AUTS2: variants seen among roughly 807,000 people sequenced by gnomAD.
AUTS2 encodes the protein activator of transcription and developmental regulator AUTS2.
A neutral mutation model predicts 112.4 loss-of-function variants in AUTS2; 17 were observed. That is an observed-to-expected ratio of 0.15 (90% CI 0.10 to 0.23). AUTS2 has a LOEUF of 0.23. Ranked by LOEUF, AUTS2 falls within the 10% of genes least tolerant of loss-of-function variation. The pLI, the probability that AUTS2 is intolerant of heterozygous loss-of-function variation, is 1.00. For missense variants in AUTS2, 1,510 were observed against 1,701.6 expected (o/e 0.89, Z 1.98); for synonymous variants, 751 against 702.7 (o/e 1.07, Z -1.09).
rs373371987 is a variant in AUTS2 at position 70,439,835 on chromosome 7, T to C, written c.690+4054T>C. Among the ~76,000 whole-genome samples the C allele has an allele frequency of 1.6e-4, 25 of 152,332 alleles. 2 individuals carry two copies. The highest frequency in any genetic ancestry group is 5.5e-4 in the African/African-American group (23 of 41,586). On this transcript the variant is annotated intron_variant, in intron 5 of 18. Coordinates refer to ENST00000342771, the MANE Select transcript of AUTS2 (RefSeq NM_015570.4). Reference sequence around the variant, plus strand: ...CCCATGATGCTAAGAAATATCCCGTTTGGTTATGAAGTTAATGTGGAGATT... The same window carrying C: ...CCCATGATGCTAAGAAATATCCCGTCTGGTTATGAAGTTAATGTGGAGATT...
chr7:69,618,364 A>T (rs1793488576), intron 1 of AUTS2, among the ~76,000 whole-genome samples: 1 of 152,202 alleles, frequency 6.6e-6, no homozygotes, highest in Non-Finnish European at 1.5e-5. Flanking sequence ...CTGGCTCAGT[A>T]CTGGCAACTT....
intron 1 of AUTS2, among the ~76,000 whole-genome samples, chr7:69,859,165 C>T (rs1461495013): frequency 6.6e-6 from 1 of 152,100 alleles, no homozygotes; most frequent in Non-Finnish European, 1.5e-5. Context: ...ATTGTGCTTT[C>T]AAAGGAAGCA....
chr7:70,035,542 G>A (rs922424833), intron 2 of AUTS2, among the ~76,000 whole-genome samples: 1 of 152,138 alleles, frequency 6.6e-6, no homozygotes, highest in South Asian at 2.1e-4. Context: ...TTTTAAAGAC[G>A]ATTGTGAATT....
chr7:69,943,841 A>G lies in AUTS2; in HGVS notation c.522+44343A>G, dbSNP rs1309990478. Among the ~76,000 whole-genome samples, 8 of 152,356 alleles carry G rather than the reference A, an allele frequency of 5.3e-5. No individual in the cohort carries two copies. In the East Asian group the frequency reaches 1.4e-3, roughly 26 times the overall value. ...CCTAGAAAAACAGTGACAAGGGCAC[A>G]TACTATTTTGAAGCAGGTTTTAGCA... On this transcript the variant is annotated intron_variant, in intron 2 of 18. Coordinates refer to ENST00000342771, the MANE Select transcript of AUTS2 (RefSeq NM_015570.4).
At chr7:69,664,482 A>T (rs1266663291) in intron 1 of AUTS2, among the ~76,000 whole-genome samples, 1 of 152,194 alleles carries the variant, frequency 6.6e-6, no homozygotes, top group South Asian at 2.1e-4. Context: ...TCAGTATATG[A>T]TTAACCTAAA....
chr7:70,649,597 T>G (rs1213944793), intron 5 of AUTS2, among the ~76,000 whole-genome samples: 1 of 151,976 alleles, frequency 6.6e-6, no homozygotes, highest in Non-Finnish European at 1.5e-5. Flanking sequence ...AGTGCGATCT[T>G]GGCTTGCTGC....
intron 2 of AUTS2, among the ~76,000 whole-genome samples, chr7:70,070,691 C>T (rs965534685): frequency 1.3e-5 from 2 of 151,800 alleles, no homozygotes; most frequent in Admixed American, 1.3e-4. Context: ...ACGGTGAAAC[C>T]CCGTCTCTAC....
At chr7:70,651,344 T>G (rs1266125259) in intron 5 of AUTS2, among the ~76,000 whole-genome samples, 3 of 152,162 alleles carry the variant, frequency 2.0e-5, no homozygotes, top group Non-Finnish European at 4.4e-5. Context: ...CTCACGAAAC[T>G]GGGAAACCCA....
intron 1 of AUTS2, among the ~76,000 whole-genome samples, chr7:69,611,882 A>T (rs1199969510): frequency 7.7e-6 from 1 of 129,974 alleles, no homozygotes; most frequent in African/African-American, 2.9e-5. Flanking sequence ...GTGAGCCGAG[A>T]TTGCGCCACT....
At position 70,267,278 on chromosome 7, in the gene AUTS2, CT is replaced by C. The variant is rs11376990; in HGVS notation, c.660+132720del. Among the ~76,000 whole-genome samples the C allele has an allele frequency of 2.9e-3, 419 of 144,732 alleles. 1 individual carries two copies. Among genetic ancestry groups the C allele is most frequent in the East Asian group, 4.5e-3 (22 of 4,934 alleles). The allele number at this position is 144,732 out of a possible 152,430, so 94.9% of individuals were successfully genotyped here. ...AGTCAAAGATAAACTCTAAATGTTT[CT>C]TTTTTTTTTTTTCCTGAAGTATCAA... On this transcript the variant is annotated intron_variant, in intron 4 of 18. Transcript: ENST00000342771.
Position 69,785,022 on chromosome 7 carries a change from T to A in AUTS2, c.310-114264T>A, listed in dbSNP as rs114395018. ...TGGTGGTGGTGATAGTGATAAATAC[T>A]ATGAAAGGAAAAAAAAACAAGAAAG... is the stretch of plus-strand genomic sequence containing the variant. On this transcript the variant is annotated intron_variant, in intron 1 of 18. Transcript: ENST00000342771. Among the ~76,000 whole-genome samples, 620 of 151,838 alleles carry A rather than the reference T, an allele frequency of 4.1e-3. 6 individuals carry two copies. Among genetic ancestry groups the A allele is most frequent in the African/African-American group, 0.014 (578 of 41,386 alleles).
intron 1 of AUTS2, among the ~76,000 whole-genome samples, chr7:69,768,466 T>G (rs902251080): frequency 6.6e-6 from 1 of 152,194 alleles, no homozygotes; most frequent in African/African-American, 2.4e-5. Flanking sequence ...TGTGAGTGTA[T>G]ATTTCTTTTT....
chr7:70,253,624 A>G (rs948631033), intron 4 of AUTS2, among the ~76,000 whole-genome samples: 5 of 152,186 alleles, frequency 3.3e-5, no homozygotes, highest in Non-Finnish European at 7.4e-5. Flanking sequence ...TCATGCCTCT[A>G]GTGAAACTAC....
At chr7:70,354,056 T>A (rs1172497855) in intron 4 of AUTS2, among the ~76,000 whole-genome samples, 1 of 152,374 alleles carries the variant, frequency 6.6e-6, no homozygotes, top group East Asian at 1.9e-4. Context: ...CTGTTCTTGC[T>A]AATCGCGTAA....
chr7:70,585,740 C>T (rs1802652012), intron 5 of AUTS2, among the ~76,000 whole-genome samples: 2 of 152,106 alleles, frequency 1.3e-5, no homozygotes, highest in Admixed American at 1.3e-4. Context: ...CCAGTTGGTT[C>T]AAGGCGAATA....
intron 5 of AUTS2, among the ~76,000 whole-genome samples, chr7:70,660,906 C>A (rs1807037930): frequency 6.6e-6 from 1 of 152,208 alleles, no homozygotes; most frequent in Non-Finnish European, 1.5e-5. Context: ...GGCATTTCAC[C>A]ATTAAGTCAC....
intron 5 of AUTS2, among the ~76,000 whole-genome samples, chr7:70,520,600 A>C (rs1799602506): frequency 6.6e-6 from 1 of 152,248 alleles, no homozygotes; most frequent in Non-Finnish European, 1.5e-5. Flanking sequence ...TCTTCCAGCC[A>C]ATAAAAAATA....
At chr7:69,925,993 C>T (rs938001007) in intron 2 of AUTS2, among the ~76,000 whole-genome samples, 1 of 152,110 alleles carries the variant, frequency 6.6e-6, no homozygotes, top group South Asian at 2.1e-4. Flanking sequence ...TCTCTAAAAA[C>T]AAAAAACAAA....
intron 2 of AUTS2, among the ~76,000 whole-genome samples, chr7:69,952,564 G>A (rs928901334): frequency 2.0e-5 from 3 of 152,142 alleles, no homozygotes; most frequent in East Asian, 1.9e-4. Context: ...TGTGACTTTG[G>A]GCATGAGTTT....
Sources: allele counts gnomAD v4.1 joint callset (sites outside exome capture counted in the v4.1 genomes callset), GRCh38; gene constraint gnomAD v4.1.1; transcripts MANE v1.5; gene names NCBI Gene and HGNC (gene_info 2026-07-23, HGNC 2026-07-21).